Variants in NAALADL2 observed in about 807,000 individuals in gnomAD.
NAALADL2 encodes N-acetylated alpha-linked acidic dipeptidase like 2.
In NAALADL2, 76 loss-of-function variants were observed where a neutral mutation model predicts 87.2. The ratio of observed to expected loss-of-function variants is 0.87; its 90% CI spans 0.72 to 1.05. NAALADL2 has a LOEUF of 1.05. Among genes scored for constraint, NAALADL2 ranks in the 50% least tolerant of loss-of-function variants. The pLI, the probability that NAALADL2 is intolerant of heterozygous loss-of-function variation, is 0.00. For synonymous variants in NAALADL2, 354 were observed against 331.0 expected (o/e 1.07, Z -0.75); for missense variants, 1,089 against 945.8 (o/e 1.15, Z -1.99).
At chr3:174,824,636 C>T (rs1212813940) in intron 3 of NAALADL2, among the ~76,000 whole-genome samples, 2 of 152,084 alleles carry the variant, frequency 1.3e-5, no homozygotes, top group Non-Finnish European at 2.9e-5. Flanking sequence ...AGTTTATTAA[C>T]CAGAAGCTAA....
At chr3:175,110,145 C>A (rs1016402444) in intron 2 of NAALADL2, among the ~76,000 whole-genome samples, 5 of 151,662 alleles carry the variant, frequency 3.3e-5, no homozygotes, top group African/African-American at 1.2e-4. Flanking sequence ...TCTTATGGTA[C>A]GAATAATAAG....
chr3:174,960,908 CTGCAT>C (rs1439289641), intron 1 of NAALADL2, among the ~76,000 whole-genome samples: 1 of 151,496 alleles, frequency 6.6e-6, no homozygotes, highest in East Asian at 1.9e-4. Context: ...GTCACTGTGC[CTGCAT>C]ATAGTTCCAG....
chr3:175,268,828 G>A (rs1011046283), intron 4 of NAALADL2, among the ~76,000 whole-genome samples: 4 of 152,070 alleles, frequency 2.6e-5, no homozygotes, highest in African/African-American at 9.7e-5. Flanking sequence ...CCCACTGGAA[G>A]TTTTTCAGGG....
intron 2 of NAALADL2, among the ~76,000 whole-genome samples, chr3:174,591,878 C>T (rs1171647329): frequency 6.6e-6 from 1 of 151,920 alleles, no homozygotes; most frequent in African/African-American, 2.4e-5. Context: ...TTTATAGTTT[C>T]ATTAGTAAGG....
intron 2 of NAALADL2, among the ~76,000 whole-genome samples, chr3:174,609,511 A>C (rs1442702431): frequency 6.6e-6 from 1 of 152,170 alleles, no homozygotes; most frequent in Non-Finnish European, 1.5e-5. Flanking sequence ...GCATTCTTAT[A>C]CACCAATAAC....
At chr3:175,490,982 T>C (rs1051756349) in intron 9 of NAALADL2, among the ~76,000 whole-genome samples, 5 of 152,130 alleles carry the variant, frequency 3.3e-5, no homozygotes, top group Non-Finnish European at 7.4e-5. Context: ...AGCCTTCAAA[T>C]AAGGTTACTT....
At chr3:175,317,322 A>G (rs946386674) in intron 4 of NAALADL2, among the ~76,000 whole-genome samples, 2 of 149,380 alleles carry the variant, frequency 1.3e-5, no homozygotes, top group Admixed American at 1.3e-4. Context: ...GGATATTTTG[A>G]CTATCCCACC....
intron 5 of NAALADL2, among the ~76,000 whole-genome samples, chr3:175,404,271 T>G (rs1170897114): frequency 2.0e-5 from 3 of 152,128 alleles, no homozygotes; most frequent in Admixed American, 2.0e-4. Flanking sequence ...CAATCCTAGA[T>G]AAATAGCATG....
At chr3:175,630,353 G>A (rs909075734) in intron 11 of NAALADL2, among the ~76,000 whole-genome samples, 13 of 151,314 alleles carry the variant, frequency 8.6e-5, no homozygotes, top group Non-Finnish European at 1.3e-4. Flanking sequence ...TATTTTCTAC[G>A]ACAAAAAGGA....
chr3:175,769,771 T>A (rs1749236915), intron 13 of NAALADL2, among the ~76,000 whole-genome samples: 1 of 152,048 alleles, frequency 6.6e-6, no homozygotes, highest in Non-Finnish European at 1.5e-5. Context: ...TGTCTGTGTG[T>A]AATTTTAAGG....
intron 2 of NAALADL2, among the ~76,000 whole-genome samples, chr3:175,191,305 T>A (rs1490246578): frequency 1.3e-5 from 2 of 152,210 alleles, no homozygotes; most frequent in African/African-American, 4.8e-5. Context: ...TTCAAATAGT[T>A]GAGGCAATAA....
At chr3:175,017,403 G>T (rs1184530388) in intron 1 of NAALADL2, among the ~76,000 whole-genome samples, 3 of 152,006 alleles carry the variant, frequency 2.0e-5, no homozygotes, top group Non-Finnish European at 2.9e-5. Flanking sequence ...TCACTAAGTG[G>T]CAGACCAGGG....
At chr3:175,636,225 C>T (rs1002982620) in intron 11 of NAALADL2, among the ~76,000 whole-genome samples, 1 of 151,934 alleles carries the variant, frequency 6.6e-6, no homozygotes, top group South Asian at 2.1e-4. Context: ...CGTGTGTGTG[C>T]TCTCTTGGTA....
chr3:175,465,384 TGA>T (rs901651288), intron 7 of NAALADL2, among the ~76,000 whole-genome samples: 21 of 152,218 alleles, frequency 1.4e-4, no homozygotes, highest in East Asian at 9.6e-4. Context: ...GCAAAACTTT[TGA>T]GACATTTATG....
intron 5 of NAALADL2, among the ~76,000 whole-genome samples, chr3:175,446,776 C>G (rs1310867289): frequency 6.6e-6 from 1 of 152,138 alleles, no homozygotes; most frequent in Non-Finnish European, 1.5e-5. Flanking sequence ...AATTTCTAAC[C>G]CTTTCTTTGT....
chr3:174,625,273 G>A (rs1721455487), intron 2 of NAALADL2, among the ~76,000 whole-genome samples: 1 of 151,856 alleles, frequency 6.6e-6, no homozygotes, highest in Admixed American at 6.6e-5. Flanking sequence ...GGCCAGGCTG[G>A]TCTCCAACTC....
intron 1 of NAALADL2, among the ~76,000 whole-genome samples, chr3:174,984,216 T>G (rs1354715253): frequency 1.3e-5 from 2 of 152,256 alleles, no homozygotes; most frequent in Non-Finnish European, 2.9e-5. Context: ...CCATGTATAT[T>G]AAATCACTGT....
At chr3:175,523,734 T>C (rs369292337) in intron 9 of NAALADL2, among the ~76,000 whole-genome samples, 30 of 152,222 alleles carry the variant, frequency 2.0e-4, no homozygotes, top group Admixed American at 2.6e-4. Context: ...CTAATTCTGA[T>C]TGGCTAATTT....
chr3:174,815,284 G>T (rs1268670741), intron 3 of NAALADL2, among the ~76,000 whole-genome samples: 1 of 152,110 alleles, frequency 6.6e-6, no homozygotes, highest in Admixed American at 6.6e-5. Context: ...CTAAGATCAG[G>T]GTTTTGGCAG....
Sources: allele counts gnomAD v4.1 joint callset (sites outside exome capture counted in the v4.1 genomes callset), GRCh38; gene constraint gnomAD v4.1.1; transcripts MANE v1.5; gene names NCBI Gene and HGNC (gene_info 2026-07-23, HGNC 2026-07-21).